The following ZBTB20 variants were observed in gnomAD, a reference collection of about 807,000 sequenced individuals.
ZBTB20 encodes the protein zinc finger and BTB domain containing 20.
A neutral mutation model predicts 56.9 loss-of-function variants in ZBTB20; 9 were observed. The observed-to-expected ratio is 0.16, with a 90% CI of 0.10 to 0.28. ZBTB20 has a LOEUF of 0.28. Ranked by LOEUF, ZBTB20 falls within the 10% of genes least tolerant of loss-of-function variation. The pLI is 1.00. For missense variants in ZBTB20, 655 were observed against 1,003.0 expected, an observed-to-expected ratio of 0.65 and a Z score of 4.69; for synonymous variants, 417 against 420.7, an observed-to-expected ratio of 0.99 and a Z score of 0.11.
intron 6 of ZBTB20, among the ~76,000 whole-genome samples, chr3:114,669,174 A>G (rs754098321): frequency 2.9e-4 from 44 of 152,032 alleles, no homozygotes; most frequent in South Asian, 6.2e-4. Context: ...AAATACCACT[A>G]AACATCCTAC....
In ZBTB20 at chr3:114,565,714, G is replaced by A. The variant is rs139783135; in HGVS notation, c.-294-65323C>T. The stretch of plus-strand genomic sequence containing the variant: ...CCATGCGGTGTGTCCCAGTCACCAC[G>A]TAATTACCTAATGTCACTACTGCAT... On this transcript the variant is annotated intron_variant, in intron 6 of 11. Transcript: ENST00000675478. Among the ~76,000 whole-genome samples the A allele has an allele frequency of 3.8e-3, 584 of 152,120 alleles. 4 individuals are homozygous for A. The highest frequency in any genetic ancestry group is 0.013 in the African/African-American group (545 of 41,486).
chr3:114,884,079 C>T (rs1254177751), intron 4 of ZBTB20, among the ~76,000 whole-genome samples: 3 of 149,750 alleles, frequency 2.0e-5, no homozygotes, highest in Non-Finnish European at 4.4e-5. Context: ...GCGCCCGCCA[C>T]TACGCCCGGC....
At chr3:114,714,470 G>T (rs2064316737) in intron 5 of ZBTB20, among the ~76,000 whole-genome samples, 1 of 150,158 alleles carries the variant, frequency 6.7e-6, no homozygotes. Context: ...CAATCCCTTT[G>T]TTCTCTTGGA....
At chr3:114,988,144 T>G (rs1419741112) in intron 2 of ZBTB20, among the ~76,000 whole-genome samples, 3 of 149,888 alleles carry the variant, frequency 2.0e-5, no homozygotes, top group Non-Finnish European at 4.4e-5. Flanking sequence ...ATGTGCACAA[T>G]GTGCAGGTTT....
intron 3 of ZBTB20, among the ~76,000 whole-genome samples, chr3:114,909,715 G>T (rs1423927271): frequency 6.6e-6 from 1 of 151,932 alleles, no homozygotes; most frequent in African/African-American, 2.4e-5. Context: ...ACACAATGAT[G>T]AAATCACCTA....
rs560244077 is a variant in ZBTB20, at chr3:115,073,260, T to C, written c.-702-1846A>G. The stretch of plus-strand genomic sequence containing the variant: ...TGAAAATAACTAATTGGGAGAAATA[T>C]TTCTTTTCCATGTATTCAACTTGTT... On this transcript the variant is annotated intron_variant, in intron 1 of 11. Coordinates refer to ENST00000675478, the MANE Select transcript of ZBTB20 (RefSeq NM_001348800.3). 6.6e-5 allele frequency among the ~76,000 whole-genome samples: 10 copies of C among 152,310 alleles called. No homozygotes were observed. In the South Asian group the frequency reaches 2.1e-3, roughly 32 times the overall value.
chr3:114,630,521 G>A (rs560284004), intron 6 of ZBTB20, among the ~76,000 whole-genome samples: 6 of 152,308 alleles, frequency 3.9e-5, no homozygotes, highest in Admixed American at 1.3e-4. Context: ...TACCTGCCAC[G>A]TACTGGAGAA....
chr3:114,902,651 T>C (rs145314299), intron 3 of ZBTB20, among the ~76,000 whole-genome samples: 3 of 152,302 alleles, frequency 2.0e-5, no homozygotes, highest in African/African-American at 7.2e-5. Flanking sequence ...TTTTTGTTAA[T>C]GGACAGTTAC....
intron 1 of ZBTB20, among the ~76,000 whole-genome samples, chr3:115,124,756 A>G (rs1441916090): frequency 1.3e-5 from 2 of 152,330 alleles, no homozygotes; most frequent in Non-Finnish European, 2.9e-5. Flanking sequence ...AACATACAGT[A>G]AACATAACTG....
At chr3:115,067,905 A>G (rs921984131) in intron 2 of ZBTB20, among the ~76,000 whole-genome samples, 6 of 152,126 alleles carry the variant, frequency 3.9e-5, no homozygotes, top group African/African-American at 1.4e-4. Flanking sequence ...TACATCCTGG[A>G]CCAGTTATAG....
intron 6 of ZBTB20, among the ~76,000 whole-genome samples, chr3:114,519,377 C>A (rs2046383997): frequency 6.6e-6 from 1 of 152,212 alleles, no homozygotes; most frequent in South Asian, 2.1e-4. Flanking sequence ...TTATCCATGT[C>A]TGCTCAGGAT....
At chr3:114,502,223 T>C (rs1218956205) in intron 6 of ZBTB20, among the ~76,000 whole-genome samples, 1 of 152,170 alleles carries the variant, frequency 6.6e-6, no homozygotes, top group Non-Finnish European at 1.5e-5. Flanking sequence ...TCCAGAAATA[T>C]GCAAAACAAA....
At chr3:114,760,188 G>A (rs889629047) in intron 5 of ZBTB20, among the ~76,000 whole-genome samples, 1 of 152,062 alleles carries the variant, frequency 6.6e-6, no homozygotes, top group African/African-American at 2.4e-5. Context: ...GCCTGTGTTT[G>A]AGACTGCAAA....
intron 2 of ZBTB20, among the ~76,000 whole-genome samples, chr3:114,983,199 T>C (rs180914828): frequency 4.7e-4 from 72 of 152,122 alleles, no homozygotes; most frequent in Admixed American, 5.9e-4. Context: ...GGGTTTACAA[T>C]GTGTCATGCA....
At chr3:115,138,315 TAG>T (rs142479931) in intron 1 of ZBTB20, among the ~76,000 whole-genome samples, 2,076 of 152,172 alleles carry the variant, frequency 0.014, 121 homozygotes, top group Admixed American at 0.11. Context: ...AGGCAGCAGT[TAG>T]AGTCTATTCA....
At chr3:114,671,649 C>T (rs993138885) in intron 6 of ZBTB20, among the ~76,000 whole-genome samples, 2 of 150,816 alleles carry the variant, frequency 1.3e-5, no homozygotes, top group Non-Finnish European at 1.5e-5. Context: ...TAAATAAGAT[C>T]GGTCTGTTCA....
At chr3:114,802,588 C>T (rs1219422555) in intron 4 of ZBTB20, among the ~76,000 whole-genome samples, 1 of 151,748 alleles carries the variant, frequency 6.6e-6, no homozygotes, top group African/African-American at 2.4e-5. Context: ...GGAGGCGTCA[C>T]CAGGGACAAC....
intron 7 of ZBTB20, among the ~76,000 whole-genome samples, chr3:114,410,876 C>T (rs1458585807): frequency 1.3e-5 from 2 of 152,020 alleles, no homozygotes; most frequent in Non-Finnish European, 2.9e-5. Context: ...AGGTGGTGGC[C>T]GCTGTGGAAA....
intron 4 of ZBTB20, among the ~76,000 whole-genome samples, chr3:114,864,010 G>C (rs1005575889): frequency 2.6e-5 from 4 of 151,806 alleles, no homozygotes; most frequent in South Asian, 2.1e-4. Flanking sequence ...ATACATCTTG[G>C]CAAAGGAAGA....
Sources: gnomAD v4.1 joint callset for allele counts (sites outside exome capture counted in the v4.1 genomes callset) on GRCh38, gnomAD v4.1.1 for gene constraint, MANE v1.5 for transcripts, NCBI Gene and HGNC (gene_info 2026-07-23, HGNC 2026-07-21) for gene names.